SPOP: variants seen among roughly 807,000 people sequenced by gnomAD.
SPOP encodes speckle-type POZ protein.
A neutral mutation model predicts 45.6 loss-of-function variants in SPOP; 11 were observed. The observed-to-expected ratio is 0.24, with a 90% confidence interval of 0.15 to 0.40. The LOEUF (loss-of-function observed/expected upper bound fraction) is 0.40. Among genes scored for constraint, SPOP ranks in the 10% least tolerant of loss-of-function variants. The pLI is 1.00. For synonymous variants in SPOP, 166 were observed against 166.3 expected (o/e 1.00, Z 0.01); for missense variants, 152 against 465.6 (o/e 0.33, Z 6.20).
At chr17:49,628,619 G>A (rs557244575) in intron 1 of SPOP, among the ~76,000 whole-genome samples, 1 of 152,156 alleles carries the variant, frequency 6.6e-6, no homozygotes, top group African/African-American at 2.4e-5. Context: ...TGACATGCTC[G>A]TTGGAACACT....
intron 1 of SPOP, among the ~76,000 whole-genome samples, chr17:49,670,490 T>C (rs2073122862): frequency 6.6e-6 from 1 of 152,176 alleles, no homozygotes; most frequent in Non-Finnish European, 1.5e-5. Flanking sequence ...TTCAGATAAA[T>C]ATCAGAATAC....
chr17:49,602,055 C>A, intron 8 of SPOP, 48 bp from the exon 9 acceptor site: 1 of 1,600,070 alleles, frequency 6.2e-7, no homozygotes, highest in East Asian at 2.2e-5. Context: ...TAGTTCTGGG[C>A]TGACCACTAC....
chr17:49,672,075 G>A (rs529229929), intron 1 of SPOP, among the ~76,000 whole-genome samples: 114 of 152,286 alleles, frequency 7.5e-4, no homozygotes, highest in African/African-American at 2.6e-3. Flanking sequence ...AGGAGGCAGA[G>A]GTTGCAGTGA....
At chr17:49,612,227 C>T (rs1010116562) in intron 5 of SPOP, among the ~76,000 whole-genome samples, 2 of 152,126 alleles carry the variant, frequency 1.3e-5, no homozygotes, top group Admixed American at 6.5e-5. Context: ...TTAGTTAGGT[C>T]GAGAACATGC....
chr17:49,641,326 T>A (rs940602547), intron 1 of SPOP, among the ~76,000 whole-genome samples: 21 of 146,464 alleles, frequency 1.4e-4, no homozygotes, highest in African/African-American at 5.0e-4. Context: ...ATCCTATTCC[T>A]GCTTCATCAT....
intron 5 of SPOP, among the ~76,000 whole-genome samples, chr17:49,617,966 T>C (rs1434793322): frequency 2.0e-5 from 3 of 150,524 alleles, no homozygotes; most frequent in Non-Finnish European, 3.0e-5. Context: ...TACATAAGCC[T>C]GCTACCGACC....
At chr17:49,620,104 A>C (rs1025892438) in intron 3 of SPOP, among the ~76,000 whole-genome samples, 4 of 152,008 alleles carry the variant, frequency 2.6e-5, no homozygotes, top group African/African-American at 9.7e-5. Context: ...TGGGAGGCAG[A>C]GGTTGCAGTG....
intron 5 of SPOP, among the ~76,000 whole-genome samples, chr17:49,615,340 A>G (rs1307366909): frequency 6.6e-6 from 1 of 152,184 alleles, no homozygotes; most frequent in Non-Finnish European, 1.5e-5. Context: ...TTGGAATACA[A>G]TGCTTCTTTA....
chr17:49,631,412 T>C (rs1252050052), intron 1 of SPOP, among the ~76,000 whole-genome samples: 1 of 152,210 alleles, frequency 6.6e-6, no homozygotes, highest in Non-Finnish European at 1.5e-5. Context: ...TGGGTACACC[T>C]GAGTGGGAAG....
At chr17:49,646,477 AGCCGAGATCAC>A (rs2072760303) in intron 1 of SPOP, 1 of 151,600 alleles carries the variant, frequency 6.6e-6, no homozygotes, top group Non-Finnish European at 1.5e-5. Context: ...GGCCACAGTG[AGCCGAGATCAC>A]GCCACTGCAC....
At chr17:49,616,906 C>T (rs2072098540) in intron 5 of SPOP, among the ~76,000 whole-genome samples, 1 of 152,248 alleles carries the variant, frequency 6.6e-6, no homozygotes, top group Non-Finnish European at 1.5e-5. Context: ...CAAGGCACAT[C>T]TAAACTTAAC....
rs2072159923 is a variant in SPOP, at chr17:49,619,156, G to A, written c.353-48C>T. On this transcript the variant is annotated intron_variant, in intron 4 of 9. Transcript: ENST00000504102. This position sits in a 1 kb window ranked among gnomAD's most constrained non-coding sequence, Gnocchi z 4.9. ...CATATTTAAGGTTACGCAAAAACCAGATCAAAGCCACAACTTGTCAGTGTA... is the reference window on the plus strand; with the variant it reads ...CATATTTAAGGTTACGCAAAAACCAAATCAAAGCCACAACTTGTCAGTGTA... 6.2e-7 allele frequency: 1 copy of A among 1,613,452 alleles called. No individual in the cohort carries two copies. Among genetic ancestry groups the A allele is most frequent in the Non-Finnish European group, 8.5e-7 (1 of 1,179,784 alleles).
intron 1 of SPOP, among the ~76,000 whole-genome samples, chr17:49,673,727 C>G (rs2073166319): frequency 6.6e-6 from 1 of 152,224 alleles, no homozygotes; most frequent in Admixed American, 6.5e-5. Flanking sequence ...GAACTCTCCT[C>G]TAACCCTTAA....
In SPOP at chr17:49,619,486, G is replaced by GC; in HGVS notation, c.201-102dup. The GC allele has an allele frequency of 2.3e-6, 3 of 1,284,140 alleles. No individual in the cohort carries two copies. The highest frequency in any genetic ancestry group is 2.1e-6 in the Non-Finnish European group (2 of 947,564). 79.5% of individuals were successfully genotyped at this position (1,284,140 alleles called of 1,614,324 possible). ...GGAGATGTTTAAAAAACAAATGCAG[G>GC]CCCCATAGAAGAATATAATTCAGTA... On this transcript the variant is annotated intron_variant, in intron 3 of 9. Coordinates refer to ENST00000504102, the MANE Select transcript of SPOP (RefSeq NM_001007228.2). This position sits in a 1 kb window ranked among gnomAD's most constrained non-coding sequence, Gnocchi z 4.9.
chr17:49,601,035 C>CACTG (rs1446815104), intron 9 of SPOP: 1 of 154,836 alleles, frequency 6.5e-6, no homozygotes, highest in Non-Finnish European at 1.4e-5. Context: ...AAGGAACTCA[C>CACTG]ACTGATGGGT....
Position 49,600,471 on chromosome 17 carries a change from T to A in SPOP, c.1032A>T (p.Ser344=). 6 of 1,614,116 alleles carry A rather than the reference T, an allele frequency of 3.7e-6. No individual in the cohort carries two copies. The highest frequency in any genetic ancestry group is 5.1e-6 in the Non-Finnish European group (6 of 1,180,016). ...ATGCCTCAGCCACCAAGTGGGGATG[T>A]GACACCACCATTGACTTCCACCCAG... is the stretch of plus-strand genomic sequence containing the variant. The part of the protein sequence containing the change: ...ETSGWKSMVV[S]HPHLVAEAYR... The change falls in exon 10 of 10, where the codon TCA becomes TCT. Residue 344 remains serine, a synonymous_variant. Transcript: ENST00000504102. This position sits in a 1 kb window ranked among gnomAD's most constrained non-coding sequence, Gnocchi z 4.2.
At position 49,622,175 on chromosome 17, in the gene SPOP, A is replaced by T. The variant is rs1050928025; in HGVS notation, c.79-108T>A. 109 of 1,408,994 alleles carry T rather than the reference A, an allele frequency of 7.7e-5. No individual in the cohort carries two copies. The African/African-American group carries it at 1.5e-3, about 19-fold the overall frequency. 87.3% of individuals were successfully genotyped at this position (1,408,994 alleles called of 1,614,324 possible). The stretch of plus-strand genomic sequence containing the variant: ...CTCCCTCCCTCTGCATGATCCTGAT[A>T]GGAAGATAGCAGTTTTCAGGTTTTT... On this transcript the variant is annotated intron_variant, in intron 2 of 9. Transcript: ENST00000504102.
chr17:49,677,136 A>C (rs1296112353), intron 1 of SPOP, among the ~76,000 whole-genome samples: 1 of 152,226 alleles, frequency 6.6e-6, no homozygotes, highest in East Asian at 1.9e-4. Context: ...TGCCTCACTT[A>C]GTTCCATTTA....
rs145386680 is a variant in SPOP at position 49,599,083 on chromosome 17, G to A, written c.*1295C>T. 2,172 of 207,264 alleles carry A rather than the reference G, an allele frequency of 0.01. 22 individuals carry two copies. Among genetic ancestry groups the A allele is most frequent in the Middle Eastern group, 0.023 (14 of 622 alleles). 12.8% of individuals were successfully genotyped at this position (207,264 alleles called of 1,614,324 possible). On this transcript the variant is annotated 3_prime_UTR_variant, in exon 10 of 10. Transcript: ENST00000504102. ...ATATGGACTGTGAGATACTCAGGGA[G>A]GACAAGAGACTGGCAGATGCTGATA...
Sources: allele counts gnomAD v4.1 joint callset (sites outside exome capture counted in the v4.1 genomes callset), GRCh38; gene constraint gnomAD v4.1.1; non-coding constraint Gnocchi (gnomAD v3.1); transcripts MANE v1.5; gene names NCBI Gene and HGNC (gene_info 2026-07-23, HGNC 2026-07-21).